METTL8: variants seen among roughly 807,000 people sequenced by gnomAD.
METTL8 encodes tRNA N(3)-cytidine methyltransferase METTL8, mitochondrial.
In METTL8, 32 loss-of-function variants were observed where a neutral mutation model predicts 48.7. The ratio of observed to expected loss-of-function variants is 0.66; its 90% CI spans 0.50 to 0.88. METTL8 has a LOEUF of 0.88. Among genes scored for constraint, METTL8 ranks in the 40% least tolerant of loss-of-function variants. The pLI is 0.00. For synonymous variants in METTL8, 136 were observed against 157.1 expected (o/e 0.87, Z 1.01); for missense variants, 464 against 474.4 (o/e 0.98, Z 0.20).
chr2:171,426,343 T>C (rs1298336363), intron 1 of METTL8, among the ~76,000 whole-genome samples: 2 of 152,146 alleles, frequency 1.3e-5, no homozygotes, highest in Non-Finnish European at 2.9e-5. Context: ...AGAGTACACA[T>C]ATATAATATG....
chr2:171,357,029 C>T (rs2105464294), intron 3 of METTL8, among the ~76,000 whole-genome samples: 2 of 136,388 alleles, frequency 1.5e-5, no homozygotes, highest in South Asian at 4.9e-4. Flanking sequence ...GTGATCTTGG[C>T]TCACTGCAAC....
At chr2:171,338,861 T>C (rs1033597265) in intron 4 of METTL8, among the ~76,000 whole-genome samples, 10 of 152,088 alleles carry the variant, frequency 6.6e-5, no homozygotes, top group African/African-American at 2.2e-4. Context: ...TTCTATTTCA[T>C]CTAAAAAGGG....
chr2:171,330,199 A>G (rs778675461), intron 7 of METTL8, among the ~76,000 whole-genome samples: 1 of 152,220 alleles, frequency 6.6e-6, no homozygotes, highest in Non-Finnish European at 1.5e-5. Flanking sequence ...TCAGGAAGAC[A>G]CTACACTAAA....
chr2:171,324,493 G>A, intron 9 of METTL8, 131 bp from the exon 10 acceptor site: 1 of 843,222 alleles, frequency 1.2e-6, no homozygotes. Context: ...AGAACAATTT[G>A]GTGAAGGAAA....
At chr2:171,401,569 C>A (rs1689643062) in intron 1 of METTL8, among the ~76,000 whole-genome samples, 1 of 152,120 alleles carries the variant, frequency 6.6e-6, no homozygotes, top group South Asian at 2.1e-4. Context: ...ATGATACACT[C>A]ACTCACACAA....
intron 9 of METTL8, among the ~76,000 whole-genome samples, chr2:171,325,527 C>T (rs556346178): frequency 1.7e-4 from 26 of 152,316 alleles, no homozygotes; most frequent in Non-Finnish European, 3.4e-4. Context: ...AAATGTCCTC[C>T]TTTGGCTGTG....
intron 2 of METTL8, among the ~76,000 whole-genome samples, chr2:171,365,745 T>C (rs1326766830): frequency 6.6e-6 from 1 of 152,210 alleles, no homozygotes; most frequent in Admixed American, 6.5e-5. Context: ...ACAGAGTACC[T>C]GGCAATGGAC....
At chr2:171,366,814 A>C (rs1192905532) in intron 2 of METTL8, among the ~76,000 whole-genome samples, 1 of 149,406 alleles carries the variant, frequency 6.7e-6, no homozygotes, top group African/African-American at 2.5e-5. Flanking sequence ...GAATCGCTTG[A>C]GTACGGGAAG....
chr2:171,343,466 AAAAAT>A (rs1215334709), intron 3 of METTL8, among the ~76,000 whole-genome samples: 1 of 150,442 alleles, frequency 6.6e-6, no homozygotes, highest in Non-Finnish European at 1.5e-5. Context: ...AATAAATATA[AAAAAT>A]AAAATAATAA....
chr2:171,360,518 TA>T lies in METTL8; in HGVS notation c.144-6del, dbSNP rs557043012. On this transcript the variant is annotated splice_region_variant and splice_polypyrimidine_tract_variant and intron_variant, in intron 2 of 9. Transcript: ENST00000375258. ...TTAGACCACTGCATGTGATCCCTAT[TA>T]AAAAAAAATAGACTGTAAAATATGC... The T allele has an allele frequency of 1.1e-3, 1,775 of 1,581,386 alleles. 12 individuals are homozygous for T. Among genetic ancestry groups the T allele is most frequent in the Middle Eastern group, 1.2e-3 (7 of 5,780 alleles).
intron 1 of METTL8, among the ~76,000 whole-genome samples, chr2:171,418,804 A>C (rs1691584187): frequency 6.6e-6 from 1 of 151,968 alleles, no homozygotes; most frequent in Non-Finnish European, 1.5e-5. Context: ...AAATACAAAA[A>C]ATTAGCCAGG....
rs35200087 is a variant in METTL8 at position 171,323,226 on chromosome 2, CTTTTTTTTTTTTTT to C, written c.*932_*945del. The C allele has an allele frequency of 1.4e-5, 1 of 69,388 alleles. No homozygotes were observed. Among genetic ancestry groups the C allele is most frequent in the African/African-American group, 6.1e-5 (1 of 16,500 alleles). The allele number at this position is 69,388 out of a possible 1,614,324, so 4.3% of individuals were successfully genotyped here. Reference sequence around the variant, plus strand: ...TACAAGAGCTTGTCAGCTTACATACCTTTTTTTTTTTTTTTTTTTTTTTTGGAGACAAGGTCTCA... The same window carrying C: ...TACAAGAGCTTGTCAGCTTACATACCTTTTTTTTTTGGAGACAAGGTCTCA... On this transcript the variant is annotated 3_prime_UTR_variant, in exon 10 of 10. Transcript: ENST00000375258.
chr2:171,353,980 G>A (rs1029650619), intron 3 of METTL8, among the ~76,000 whole-genome samples: 2 of 152,224 alleles, frequency 1.3e-5, no homozygotes, highest in Admixed American at 1.3e-4. Context: ...ATATTGTTAT[G>A]TGTGAATTTG....
intron 1 of METTL8, among the ~76,000 whole-genome samples, chr2:171,430,537 A>AAAAT (rs746066381): frequency 2.0e-5 from 3 of 152,276 alleles, no homozygotes; most frequent in East Asian, 1.9e-4. Flanking sequence ...CAGTATAATA[A>AAAAT]AAATAAATAA....
chr2:171,407,931 A>G (rs1333909918), intron 1 of METTL8, among the ~76,000 whole-genome samples: 1 of 152,246 alleles, frequency 6.6e-6, no homozygotes, highest in Non-Finnish European at 1.5e-5. Flanking sequence ...TTGGGAAGAC[A>G]CATAGCACAC....
At chr2:171,333,266 T>C (rs1314783120) in intron 5 of METTL8, among the ~76,000 whole-genome samples, 1 of 151,982 alleles carries the variant, frequency 6.6e-6, no homozygotes, top group East Asian at 1.9e-4. Context: ...GGCCGGCTAA[T>C]TTTGTATTTT....
intron 3 of METTL8, among the ~76,000 whole-genome samples, chr2:171,343,464 T>TAA (rs1686981329): frequency 6.7e-6 from 1 of 149,144 alleles, no homozygotes; most frequent in African/African-American, 2.5e-5. Context: ...TAAATAAATA[T>TAA]AAAAAATAAA....
chr2:171,375,513 T>G (rs1686872764), intron 2 of METTL8, among the ~76,000 whole-genome samples: 1 of 152,146 alleles, frequency 6.6e-6, no homozygotes, highest in African/African-American at 2.4e-5. Context: ...TTCAAATAGG[T>G]GTGTAGTAGT....
chr2:171,431,450 T>A (rs1267942921), intron 1 of METTL8, among the ~76,000 whole-genome samples: 1 of 152,182 alleles, frequency 6.6e-6, no homozygotes, highest in Non-Finnish European at 1.5e-5. Context: ...CCACTCACTC[T>A]CCGGGGTCCA....
Sources: gnomAD v4.1 joint callset for allele counts (sites outside exome capture counted in the v4.1 genomes callset) on GRCh38, gnomAD v4.1.1 for gene constraint, MANE v1.5 for transcripts, NCBI Gene and HGNC (gene_info 2026-07-23, HGNC 2026-07-21) for gene names.